The following GABBR2 variants were observed in gnomAD, a reference collection of about 807,000 sequenced individuals.
GABBR2 encodes the protein G-protein coupled receptor 51.
Under a neutral mutation model 105.6 loss-of-function variants are expected in GABBR2, and 23 were observed. The observed-to-expected ratio is 0.22, with a 90% CI of 0.16 to 0.31. GABBR2 has a LOEUF of 0.31. Among genes scored for constraint, GABBR2 ranks in the 10% least tolerant of loss-of-function variants. GABBR2 has a pLI of 1.00. For synonymous variants in GABBR2, 478 were observed against 499.7 expected (o/e 0.96, Z 0.58); for missense variants, 734 against 1,245.5 (o/e 0.59, Z 6.18).
intron 1 of GABBR2, among the ~76,000 whole-genome samples, chr9:98,676,228 G>A (rs1163522697): frequency 6.6e-6 from 1 of 152,220 alleles, no homozygotes; most frequent in Non-Finnish European, 1.5e-5. Context: ...GCCAAGGAAT[G>A]CAGGTGACCT....
In GABBR2 at chr9:98,439,099, TA is replaced by T. The variant is rs199972563; in HGVS notation, c.1236+14881del. Among the ~76,000 whole-genome samples, 56 of 148,704 alleles carry T rather than the reference TA, an allele frequency of 3.8e-4. No homozygotes were observed. In the South Asian group the frequency reaches 4.3e-3, roughly 11 times the overall value. On this transcript the variant is annotated intron_variant, in intron 7 of 18. Transcript: ENST00000259455. ...GCTTTCCTTTACTAAATATCTGCCT[TA>T]AAAAAAAAACTGAAAAAAGAGTGCT...
chr9:98,300,052 T>TG (rs11429669), intron 16 of GABBR2, among the ~76,000 whole-genome samples: 12,212 of 150,752 alleles, frequency 0.081, 1,729 homozygotes, highest in African/African-American at 0.28. Flanking sequence ...TTGGTAGAGA[T>TG]GGGGTCTCTC....
At chr9:98,391,330 T>A (rs918637696) in intron 9 of GABBR2, among the ~76,000 whole-genome samples, 2 of 152,226 alleles carry the variant, frequency 1.3e-5, no homozygotes, top group Non-Finnish European at 2.9e-5. Context: ...AAGATTATTA[T>A]CATTTGACAG....
chr9:98,503,615 A>T (rs1468567279), intron 3 of GABBR2, among the ~76,000 whole-genome samples: 2 of 152,134 alleles, frequency 1.3e-5, no homozygotes, highest in African/African-American at 4.8e-5. Context: ...ATTCAGGACA[A>T]CTAATAATCT....
At chr9:98,646,494 T>C (rs1830030313) in intron 1 of GABBR2, among the ~76,000 whole-genome samples, 3 of 152,170 alleles carry the variant, frequency 2.0e-5, no homozygotes, top group Non-Finnish European at 4.4e-5. Flanking sequence ...GGATTCTGCT[T>C]TGTATCCTTT....
At chr9:98,572,090 C>A (rs1828841530) in intron 2 of GABBR2, among the ~76,000 whole-genome samples, 1 of 152,206 alleles carries the variant, frequency 6.6e-6, no homozygotes, top group Non-Finnish European at 1.5e-5. Flanking sequence ...CAGAGCCCTG[C>A]ACCCTGAGCA....
chr9:98,560,467 A>G (rs1008223350), intron 2 of GABBR2, among the ~76,000 whole-genome samples: 2 of 132,446 alleles, frequency 1.5e-5, no homozygotes, highest in Non-Finnish European at 3.3e-5. Flanking sequence ...ATATACATGC[A>G]CACACACACA....
At position 98,289,079 on chromosome 9, in the gene GABBR2, A is replaced by T. The variant is rs1232674803; in HGVS notation, c.*1505T>A. On this transcript the variant is annotated 3_prime_UTR_variant, in exon 19 of 19. Transcript: ENST00000259455. ...GAAAAGTCACTGGGAGCCTCCCTCC[A>T]GCCCGGATGTTCTGGGTAGAGGGCT... is the stretch of plus-strand genomic sequence containing the variant. The T allele has an allele frequency of 6.6e-6, 1 of 152,670 alleles. No individual in the cohort carries two copies. The highest frequency in any genetic ancestry group is 6.5e-5 in the Admixed American group (1 of 15,286). The allele number at this position is 152,670 out of a possible 1,614,324, so 9.5% of individuals were successfully genotyped here.
intron 6 of GABBR2, among the ~76,000 whole-genome samples, chr9:98,466,187 A>C (rs984278415): frequency 5.3e-5 from 8 of 152,212 alleles, no homozygotes; most frequent in Admixed American, 3.9e-4. Flanking sequence ...TTTATAAATT[A>C]CCCAGTTTCA....
At chr9:98,679,868 T>C (rs1014658918) in intron 1 of GABBR2, among the ~76,000 whole-genome samples, 8 of 152,210 alleles carry the variant, frequency 5.3e-5, no homozygotes, top group African/African-American at 1.9e-4. Flanking sequence ...TTATTACCAT[T>C]AGATCACACT....
chr9:98,639,382 C>A (rs1310565788), intron 1 of GABBR2, among the ~76,000 whole-genome samples: 1 of 152,132 alleles, frequency 6.6e-6, no homozygotes, highest in Non-Finnish European at 1.5e-5. Flanking sequence ...TTGGGTTGAC[C>A]TGCACCATCA....
At chr9:98,543,612 C>G (rs1277118420) in intron 2 of GABBR2, among the ~76,000 whole-genome samples, 1 of 152,214 alleles carries the variant, frequency 6.6e-6, no homozygotes, top group Non-Finnish European at 1.5e-5. Flanking sequence ...CCTCTGGCCT[C>G]AGCCTCCTGA....
At chr9:98,635,370 C>T (rs1829862063) in intron 1 of GABBR2, among the ~76,000 whole-genome samples, 1 of 152,088 alleles carries the variant, frequency 6.6e-6, no homozygotes, top group African/African-American at 2.4e-5. Context: ...AGAGTGTGGG[C>T]TGGCCATAGG....
At chr9:98,305,024 T>C (rs1830529497) in intron 15 of GABBR2, among the ~76,000 whole-genome samples, 1 of 147,962 alleles carries the variant, frequency 6.8e-6, no homozygotes, top group South Asian at 2.2e-4. Flanking sequence ...CCTCCTTCCT[T>C]GGTCTCCCAA....
At position 98,614,296 on chromosome 9, in the gene GABBR2, GGTGGATCACCTGAAGTCAGAA is replaced by G. The variant is rs1829548417; in HGVS notation, c.322-36245_322-36225del. ...CCCAGCACTTTGGGAGGCCAAGGCAGGTGGATCACCTGAAGTCAGAAGTTCGAGACCAGCCTGGTCAACATG... is the reference window on the plus strand; with the variant it reads ...CCCAGCACTTTGGGAGGCCAAGGCAGGTTCGAGACCAGCCTGGTCAACATG... On this transcript the variant is annotated intron_variant, in intron 1 of 18. Coordinates refer to ENST00000259455, the MANE Select transcript of GABBR2 (RefSeq NM_005458.8). Among the ~76,000 whole-genome samples, 4 of 152,328 alleles carry G rather than the reference GGTGGATCACCTGAAGTCAGAA, an allele frequency of 2.6e-5. No individual in the cohort carries two copies. The South Asian group carries it at 8.3e-4, about 32-fold the overall frequency.
chr9:98,569,909 T>C lies in GABBR2; in HGVS notation c.459+8026A>G, dbSNP rs1320985862. On this transcript the variant is annotated intron_variant, in intron 2 of 18. Coordinates refer to ENST00000259455, the MANE Select transcript of GABBR2 (RefSeq NM_005458.8). ...GAGAAAATCATGTCAGATCACAAAA[T>C]TTCTGTTCCTATGAAACAAAATGGC... Among the ~76,000 whole-genome samples the C allele has an allele frequency of 2.0e-5, 3 of 152,236 alleles. No individual in the cohort carries two copies. In the East Asian group the frequency reaches 5.8e-4, roughly 29 times the overall value.
Position 98,304,564 on chromosome 9 carries a change from C to T in GABBR2, c.2230-1141G>A, listed in dbSNP as rs181021632. 1.1e-4 allele frequency among the ~76,000 whole-genome samples: 16 copies of T among 152,236 alleles called. No individual in the cohort carries two copies. In the East Asian group the frequency reaches 1.7e-3, roughly 17 times the overall value. ...GCCCTTTAGGCTGGGCAGGTGTGGA[C>T]GACTAAGGTGTGTACACCAGAGGTA... On this transcript the variant is annotated intron_variant, in intron 15 of 18. Transcript: ENST00000259455.
At chr9:98,304,784 G>A (rs992523365) in intron 15 of GABBR2, among the ~76,000 whole-genome samples, 2 of 132,660 alleles carry the variant, frequency 1.5e-5, no homozygotes, top group Admixed American at 1.6e-4. Context: ...TTTTTTGGAG[G>A]GGCGGGTAAA....
At chr9:98,650,167 C>T (rs1284024438) in intron 1 of GABBR2, among the ~76,000 whole-genome samples, 4 of 152,024 alleles carry the variant, frequency 2.6e-5, no homozygotes, top group Non-Finnish European at 4.4e-5. Flanking sequence ...TCCTGTTTCC[C>T]CAGGAATCAA....
Sources: allele counts gnomAD v4.1 joint callset (sites outside exome capture counted in the v4.1 genomes callset), GRCh38; gene constraint gnomAD v4.1.1; transcripts MANE v1.5; gene names NCBI Gene and HGNC (gene_info 2026-07-23, HGNC 2026-07-21).